GPC6: variants seen among roughly 807,000 people sequenced by gnomAD.
GPC6 encodes the protein glypican-6.
A neutral mutation model predicts 55.2 loss-of-function variants in GPC6; 14 were observed. That is an observed-to-expected ratio of 0.25 (90% CI 0.17 to 0.40). The LOEUF is 0.40. Among genes scored for constraint, GPC6 ranks in the 10% least tolerant of loss-of-function variants. The probability of loss-of-function intolerance (pLI) is 1.00; values close to 1 mark genes in which losing one functional copy is unlikely to be tolerated. For missense variants in GPC6, 641 were observed against 708.5 expected, an observed-to-expected ratio of 0.90 and a Z score of 1.08; for synonymous variants, 278 against 259.6, an observed-to-expected ratio of 1.07 and a Z score of -0.68.
chr13:94,039,369 A>C (rs1883452119), intron 4 of GPC6, among the ~76,000 whole-genome samples: 1 of 151,924 alleles, frequency 6.6e-6, no homozygotes. Flanking sequence ...AGGTCATCTA[A>C]GCATGGCACA....
chr13:93,489,755 T>C (rs892745470), intron 1 of GPC6, among the ~76,000 whole-genome samples: 35 of 151,490 alleles, frequency 2.3e-4, no homozygotes, highest in Admixed American at 9.8e-4. Flanking sequence ...AGTTCACTCA[T>C]GATTTGGCTC....
chr13:93,962,240 G>A (rs1426625605), intron 3 of GPC6, among the ~76,000 whole-genome samples: 1 of 152,078 alleles, frequency 6.6e-6, no homozygotes, highest in East Asian at 1.9e-4. Context: ...CAAAGTTCCT[G>A]CATAACATAT....
chr13:93,498,309 CT>C (rs1880386601), intron 1 of GPC6, among the ~76,000 whole-genome samples: 1 of 152,178 alleles, frequency 6.6e-6, no homozygotes, highest in African/African-American at 2.4e-5. Flanking sequence ...CATTAGAGCC[CT>C]CACTCAGTAC....
At chr13:93,875,113 G>A (rs1303910054) in intron 3 of GPC6, among the ~76,000 whole-genome samples, 1 of 151,954 alleles carries the variant, frequency 6.6e-6, no homozygotes, top group African/African-American at 2.4e-5. Context: ...AAGGATTCCA[G>A]AGCGCATCAG....
chr13:93,769,153 C>A (rs891078051), intron 2 of GPC6, among the ~76,000 whole-genome samples: 2 of 152,022 alleles, frequency 1.3e-5, no homozygotes, highest in African/African-American at 4.8e-5. Context: ...CAATATTTTC[C>A]CAAATGCATG....
rs7325738 is a variant in GPC6, at chr13:94,068,658, C to T, written c.877+40764C>T. Among the ~76,000 whole-genome samples, 109 of 152,274 alleles carry T rather than the reference C, an allele frequency of 7.2e-4. 1 individual carries two copies. Among genetic ancestry groups the T allele is most frequent in the Middle Eastern group, 3.4e-3 (1 of 294 alleles). On this transcript the variant is annotated intron_variant, in intron 4 of 8. Coordinates refer to ENST00000377047, the MANE Select transcript of GPC6 (RefSeq NM_005708.5). ...TGGGAGTACAGGTATTGGGTAAATA[C>T]GGCCATTGCAAATGGGAGAAATTGG...
At chr13:93,401,155 CGTGTGTGTGTGTGTGTGTGTGTGTGT>C (rs5805802) in intron 1 of GPC6, among the ~76,000 whole-genome samples, 2 of 143,540 alleles carry the variant, frequency 1.4e-5, no homozygotes, top group African/African-American at 5.2e-5. Context: ...AGGTATTTGT[CGTGTGTGTGTGTGTGTGTGTGTGTGT>C]GTGTGTGTGT....
chr13:94,363,919 A>G (rs1163289315), intron 6 of GPC6, among the ~76,000 whole-genome samples: 1 of 152,254 alleles, frequency 6.6e-6, no homozygotes, highest in Non-Finnish European at 1.5e-5. Context: ...AGAAAATAAT[A>G]AAGAATATAC....
intron 1 of GPC6, among the ~76,000 whole-genome samples, chr13:93,335,685 T>C (rs1287645592): frequency 2.6e-5 from 4 of 152,176 alleles, no homozygotes; most frequent in Non-Finnish European, 4.4e-5. Flanking sequence ...CTTGGGAGAT[T>C]TCCTGCCTCT....
chr13:94,322,323 C>G (rs1876870562), intron 6 of GPC6, among the ~76,000 whole-genome samples: 3 of 152,170 alleles, frequency 2.0e-5, no homozygotes. Context: ...GCCTCTTTTT[C>G]TTTATAAATT....
chr13:94,346,063 ATGGCATTTCCC>A (rs67332678), intron 6 of GPC6, among the ~76,000 whole-genome samples: 13,716 of 152,032 alleles, frequency 0.09, 714 homozygotes, highest in African/African-American at 0.12. Flanking sequence ...TCCTCATCAC[ATGGCATTTCCC>A]TGCATGTCTG....
intron 2 of GPC6, among the ~76,000 whole-genome samples, chr13:93,767,128 A>C (rs1885151108): frequency 6.6e-6 from 1 of 152,176 alleles, no homozygotes; most frequent in African/African-American, 2.4e-5. Flanking sequence ...TATGCTAAGC[A>C]TTATAGGACT....
intron 1 of GPC6, among the ~76,000 whole-genome samples, chr13:93,513,615 A>G (rs1313493162): frequency 6.6e-6 from 1 of 152,130 alleles, no homozygotes; most frequent in Non-Finnish European, 1.5e-5. Flanking sequence ...TGGATTTGGG[A>G]TTTAGGCAAT....
At chr13:93,561,404 G>GAGATATATAT (rs968221822) in intron 2 of GPC6, among the ~76,000 whole-genome samples, 18 of 104,696 alleles carry the variant, frequency 1.7e-4, no homozygotes, top group African/African-American at 6.6e-4. Flanking sequence ...TATCCCTATC[G>GAGATATATAT]ATATATATAT....
At chr13:94,259,631 G>A (rs888457204) in intron 4 of GPC6, among the ~76,000 whole-genome samples, 8 of 152,006 alleles carry the variant, frequency 5.3e-5, no homozygotes, top group Non-Finnish European at 7.4e-5. Context: ...CAGAAACTCC[G>A]TGCCCATTAA....
At chr13:94,108,246 G>T (rs148221469) in intron 4 of GPC6, among the ~76,000 whole-genome samples, 1 of 152,184 alleles carries the variant, frequency 6.6e-6, no homozygotes, top group African/African-American at 2.4e-5. Flanking sequence ...CAGCAACCTG[G>T]ATGAGATTGG....
Position 94,210,187 on chromosome 13 carries a change from C to T in GPC6, c.878-76162C>T, listed in dbSNP as rs749152460. On this transcript the variant is annotated intron_variant, in intron 4 of 8. Transcript: ENST00000377047. ...TTTTTTTTTTTTTGAGACAGAGTCT[C>T]GCTGTGCCACCCAGGCTGGAGTATA... is the stretch of plus-strand genomic sequence containing the variant. Among the ~76,000 whole-genome samples the T allele has an allele frequency of 2.0e-5, 3 of 146,848 alleles. No homozygotes were observed. In the Admixed American group the frequency reaches 2.1e-4, roughly 10 times the overall value.
At position 93,916,724 on chromosome 13, in the gene GPC6, A is replaced by G. The variant is rs76437458; in HGVS notation, c.711+86179A>G. ...AGTTAATACGAAACTGTGTTGTTCT[A>G]TTGACCTAGCACTCTGAAAAACAAG... On this transcript the variant is annotated intron_variant, in intron 3 of 8. Transcript: ENST00000377047. Among the ~76,000 whole-genome samples, 551 of 150,172 alleles carry G rather than the reference A, an allele frequency of 3.7e-3. 6 individuals are homozygous for G. Among genetic ancestry groups the G allele is most frequent in the African/African-American group, 0.013 (536 of 41,140 alleles).
chr13:94,006,363 G>A (rs537280989), intron 3 of GPC6, among the ~76,000 whole-genome samples: 15 of 152,256 alleles, frequency 9.9e-5, no homozygotes, highest in Non-Finnish European at 1.8e-4. Flanking sequence ...TTGGATAGCA[G>A]CAAGACAGGC....
Sources: allele counts gnomAD v4.1 joint callset (sites outside exome capture counted in the v4.1 genomes callset), GRCh38; gene constraint gnomAD v4.1.1; transcripts MANE v1.5; gene names NCBI Gene and HGNC (gene_info 2026-07-23, HGNC 2026-07-21).